The following ATP13A5 variants were observed in gnomAD, a reference collection of about 807,000 sequenced individuals.
The protein encoded by ATP13A5 is probable cation-transporting ATPase 13A5.
Under a neutral mutation model 150.2 loss-of-function variants are expected in ATP13A5, and 149 were observed. The observed-to-expected ratio is 0.99, with a 90% CI of 0.87 to 1.14. The LOEUF is 1.14. Among genes scored for constraint, ATP13A5 ranks in the 50% most tolerant of loss-of-function variants. The pLI is 0.00. For synonymous variants in ATP13A5, 497 were observed against 522.2 expected (o/e 0.95, Z 0.66); for missense variants, 1,383 against 1,449.3 (o/e 0.95, Z 0.74).
At chr3:193,315,973 C>A (rs968779376) in intron 17 of ATP13A5, among the ~76,000 whole-genome samples, 1 of 151,980 alleles carries the variant, frequency 6.6e-6, no homozygotes, top group Non-Finnish European at 1.5e-5. Context: ...TCCCCCTAGC[C>A]CTTGGTAATC....
In ATP13A5 at chr3:193,333,867, C is replaced by G. The variant is rs141862218; in HGVS notation, c.1155G>C (p.Leu385=). ...GTTTGAAGTTCAGAGGCCGGGGGTA[C>G]AGGATGGATCTCACTAAGTCCCCTT... ...TAKGDLVRSI[L]YPRPLNFKLY... Residue 385 remains leucine, a synonymous_variant, in exon 11 of 30, where the codon CTG becomes CTC. Coordinates refer to ENST00000342358, the MANE Select transcript of ATP13A5 (RefSeq NM_198505.4). 9.3e-6 allele frequency: 15 copies of G among 1,613,778 alleles called. No homozygotes were observed. Among genetic ancestry groups the G allele is most frequent in the Non-Finnish European group, 1.2e-5 (14 of 1,179,882 alleles).
At position 193,351,066 on chromosome 3, in the gene ATP13A5, C is replaced by A. The variant is rs1189988870; in HGVS notation, c.741+1G>T. ...AATCTGGCTGTGATTTCAGGTCTTA[C>A]CTGTCGCAAATCATACACACTTAAG... On this transcript the variant is annotated splice_donor_variant, in intron 7 of 29. Transcript: ENST00000342358. LOFTEE classifies it high-confidence loss of function. The A allele has an allele frequency of 6.2e-7, 1 of 1,612,878 alleles. No individual in the cohort carries two copies. Among genetic ancestry groups the A allele is most frequent in the East Asian group, 2.2e-5 (1 of 44,788 alleles).
chr3:193,321,634 G>GA lies in ATP13A5; in HGVS notation c.1915+46dup, dbSNP rs780892678. The stretch of plus-strand genomic sequence containing the variant: ...GGACAGAGCAAGATTCTGTCTCAAA[G>GA]AAAAAACAAAAGTATTTTACTTCTT... On this transcript the variant is annotated intron_variant, in intron 16 of 29. Transcript: ENST00000342358. 4 of 1,598,428 alleles carry GA rather than the reference G, an allele frequency of 2.5e-6. No homozygotes were observed. The South Asian group carries it at 4.5e-5, about 18-fold the overall frequency.
At chr3:193,366,313 G>T (rs1433028555) in intron 1 of ATP13A5, among the ~76,000 whole-genome samples, 1 of 151,934 alleles carries the variant, frequency 6.6e-6, no homozygotes. Flanking sequence ...AAGATTATTA[G>T]ACTAGATAAT....
At chr3:193,343,845 G>T in intron 9 of ATP13A5, 82 bp downstream of exon 9, 1 of 1,474,842 alleles carries the variant, frequency 6.8e-7, no homozygotes, top group Non-Finnish European at 9.1e-7. Flanking sequence ...TCTTAGCAAG[G>T]GTCTGGTATA....
intron 9 of ATP13A5, among the ~76,000 whole-genome samples, chr3:193,335,874 A>G (rs1232826749): frequency 1.3e-5 from 2 of 152,046 alleles, no homozygotes; most frequent in Admixed American, 6.6e-5. Flanking sequence ...GCAGGTAGCA[A>G]TTTTTTTCCT....
At chr3:193,317,628 A>G (rs184386168) in intron 17 of ATP13A5, among the ~76,000 whole-genome samples, 23 of 152,244 alleles carry the variant, frequency 1.5e-4, no homozygotes, top group East Asian at 9.6e-4. Context: ...TAGTTGGAAA[A>G]CTTTGCTAAA....
chr3:193,362,356 T>TCTTAAGGCATATAATAAGC (rs1281837488), intron 5 of ATP13A5, 25 bp downstream of exon 5: 2 of 1,596,194 alleles, frequency 1.3e-6, no homozygotes, highest in East Asian at 4.5e-5. Context: ...CAGAGTTTAC[T>TCTTAAGGCATATAATAAGC]CTTAAGGCAT....
chr3:193,358,617 T>G (rs1712883213), intron 5 of ATP13A5, among the ~76,000 whole-genome samples: 1 of 152,224 alleles, frequency 6.6e-6, no homozygotes, highest in African/African-American at 2.4e-5. Flanking sequence ...TATTTTAGTT[T>G]TTTACATTTG....
At chr3:193,324,550 T>C (rs1286477694) in intron 14 of ATP13A5, among the ~76,000 whole-genome samples, 1 of 152,180 alleles carries the variant, frequency 6.6e-6, no homozygotes, top group African/African-American at 2.4e-5. Context: ...GTTCGGTAAA[T>C]GCTGCATGTC....
At chr3:193,361,217 T>C (rs1408009081) in intron 5 of ATP13A5, among the ~76,000 whole-genome samples, 1 of 152,192 alleles carries the variant, frequency 6.6e-6, no homozygotes, top group African/African-American at 2.4e-5. Flanking sequence ...AACTTTTTTG[T>C]GACAATGTTT....
At chr3:193,326,128 C>T (rs894464933) in intron 13 of ATP13A5, among the ~76,000 whole-genome samples, 1 of 152,136 alleles carries the variant, frequency 6.6e-6, no homozygotes, top group African/African-American at 2.4e-5. Context: ...TGGGAGTCCC[C>T]TGCAAAGTGT....
intron 14 of ATP13A5, among the ~76,000 whole-genome samples, 169 bp downstream of exon 14, chr3:193,324,695 A>G (rs1719407053): frequency 6.6e-6 from 1 of 152,252 alleles, no homozygotes; most frequent in South Asian, 2.1e-4. Context: ...TGCAGCAACC[A>G]TTAACAGAAT....
chr3:193,363,094 T>C (rs114092385), intron 3 of ATP13A5, 142 bp downstream of exon 3: 2 of 1,060,434 alleles, frequency 1.9e-6, no homozygotes, highest in South Asian at 1.7e-5. Flanking sequence ...TGAACGACCA[T>C]GCCCAGCCAG....
At chr3:193,372,908 T>C (rs1307850265) in intron 1 of ATP13A5, among the ~76,000 whole-genome samples, 1 of 152,190 alleles carries the variant, frequency 6.6e-6, no homozygotes, top group Non-Finnish European at 1.5e-5. Flanking sequence ...AGGTGTCAGT[T>C]GAAGATTGAT....
intron 7 of ATP13A5, 67 bp from the exon 8 acceptor site, chr3:193,345,142 A>C (rs1174541897): frequency 7.0e-7 from 1 of 1,420,222 alleles, no homozygotes; most frequent in East Asian, 2.3e-5. Flanking sequence ...TGATCTCATT[A>C]CAGTAAATAC....
rs149616290 is a variant in ATP13A5 at position 193,292,646 on chromosome 3, A to G, written c.2849-2587T>C. On this transcript the variant is annotated intron_variant, in intron 25 of 29. Transcript: ENST00000342358. ...GAATGAAAAATGTGGAGTAGACCTG[A>G]ATCAAATCCAAAAGCATTAACCAAG... Among the ~76,000 whole-genome samples the G allele has an allele frequency of 7.7e-3, 1,178 of 152,250 alleles. 15 individuals are homozygous for G. The highest frequency in any genetic ancestry group is 0.031 in the Middle Eastern group (9 of 294).
chr3:193,362,257 G>T, intron 5 of ATP13A5, 124 bp downstream of exon 5: 2 of 844,506 alleles, frequency 2.4e-6, no homozygotes, highest in Non-Finnish European at 3.8e-6. Flanking sequence ...TCCGCTGCCA[G>T]TAAATGAACT....
At chr3:193,304,507 T>C (rs957189593) in intron 23 of ATP13A5, among the ~76,000 whole-genome samples, 21 of 152,330 alleles carry the variant, frequency 1.4e-4, no homozygotes, top group Middle Eastern at 6.8e-3. Flanking sequence ...CTGTCTTTTT[T>C]GTATGAATCT....
Sources: allele counts gnomAD v4.1 joint callset (sites outside exome capture counted in the v4.1 genomes callset), GRCh38; gene constraint gnomAD v4.1.1; transcripts MANE v1.5; gene names NCBI Gene and HGNC (gene_info 2026-07-23, HGNC 2026-07-21).